RNF220: variants seen among roughly 807,000 people sequenced by gnomAD.
RNF220 encodes E3 ubiquitin-protein ligase RNF220.
Under a neutral mutation model 67.1 loss-of-function variants are expected in RNF220, and 7 were observed. That is an observed-to-expected ratio of 0.10 (90% CI 0.06 to 0.20). The LOEUF (loss-of-function observed/expected upper bound fraction) is 0.20. RNF220 is among the 10% of genes least tolerant of loss of function. The pLI is 1.00. For synonymous variants in RNF220, 270 were observed against 283.2 expected, an observed-to-expected ratio of 0.95 and a Z score of 0.47; for missense variants, 565 against 740.3, an observed-to-expected ratio of 0.76 and a Z score of 2.75.
chr1:44,471,822 C>T (rs1022989020), intron 2 of RNF220, among the ~76,000 whole-genome samples: 1 of 130,418 alleles, frequency 7.7e-6, no homozygotes, highest in East Asian at 2.9e-4. Context: ...GAAACTCCAT[C>T]TCAAAAAAAA....
chr1:44,426,738 A>AG (rs1049160586), intron 2 of RNF220, among the ~76,000 whole-genome samples: 17 of 151,748 alleles, frequency 1.1e-4, no homozygotes, highest in African/African-American at 4.1e-4. Context: ...AAAAAAAAAA[A>AG]AAAGAAAGAA....
intron 2 of RNF220, among the ~76,000 whole-genome samples, chr1:44,570,125 G>T (rs1664330011): frequency 6.6e-6 from 1 of 152,156 alleles, no homozygotes; most frequent in African/African-American, 2.4e-5. Context: ...GGGGAGGAGA[G>T]CTGAGCGAAG....
At chr1:44,418,861 C>T (rs1444458473) in intron 2 of RNF220, among the ~76,000 whole-genome samples, 3 of 152,030 alleles carry the variant, frequency 2.0e-5, no homozygotes, top group Non-Finnish European at 2.9e-5. Context: ...TTTGGAGTGA[C>T]AGCATATTTA....
In RNF220 at chr1:44,478,017, C is replaced by T. The variant is rs140813700; in HGVS notation, c.625+65295C>T. ...TTATTGAGACAGGGTCTCGCTCTGT[C>T]ACCCAGGCTGGAGTGCAATGGCACA... On this transcript the variant is annotated intron_variant, in intron 2 of 14. Coordinates refer to ENST00000361799, the MANE Select transcript of RNF220 (RefSeq NM_018150.4). Among the ~76,000 whole-genome samples the T allele has an allele frequency of 9.7e-3, 1,478 of 152,304 alleles. 32 individuals are homozygous for T. The highest frequency in any genetic ancestry group is 0.034 in the African/African-American group (1,418 of 41,574).
intron 8 of RNF220, among the ~76,000 whole-genome samples, chr1:44,641,498 T>A (rs968908589): frequency 1.3e-5 from 2 of 152,170 alleles, no homozygotes; most frequent in African/African-American, 4.8e-5. Flanking sequence ...CTGTGCCATC[T>A]TGCCTCTGAG....
At chr1:44,630,324 T>C (rs1170883892) in intron 5 of RNF220, among the ~76,000 whole-genome samples, 2 of 152,254 alleles carry the variant, frequency 1.3e-5, no homozygotes, top group African/African-American at 4.8e-5. Context: ...GTATTCATCA[T>C]GCCCAGTCTA....
At chr1:44,482,348 G>C (rs891212659) in intron 2 of RNF220, among the ~76,000 whole-genome samples, 11 of 152,202 alleles carry the variant, frequency 7.2e-5, no homozygotes, top group African/African-American at 2.7e-4. Flanking sequence ...GGGAGCAGGA[G>C]GGGTGGAGGG....
At chr1:44,486,689 G>A (rs556160473) in intron 2 of RNF220, among the ~76,000 whole-genome samples, 10 of 152,152 alleles carry the variant, frequency 6.6e-5, no homozygotes, top group Non-Finnish European at 8.8e-5. Flanking sequence ...CTGTTGAACG[G>A]TAAAGCCCAC....
At chr1:44,421,652 G>T (rs1203407419) in intron 2 of RNF220, among the ~76,000 whole-genome samples, 1 of 151,678 alleles carries the variant, frequency 6.6e-6, no homozygotes, top group Non-Finnish European at 1.5e-5. Flanking sequence ...GTTGGGCGGG[G>T]CATAGTGTCT....
intron 2 of RNF220, among the ~76,000 whole-genome samples, chr1:44,459,544 A>G (rs1209629196): frequency 2.6e-5 from 4 of 152,034 alleles, no homozygotes; most frequent in Non-Finnish European, 5.9e-5. Context: ...AAAATCTGAA[A>G]CCCAGGAGAC....
At chr1:44,580,356 A>G (rs1457555901) in intron 2 of RNF220, among the ~76,000 whole-genome samples, 1 of 152,194 alleles carries the variant, frequency 6.6e-6, no homozygotes, top group Non-Finnish European at 1.5e-5. Context: ...GATATTTGAA[A>G]TCGGGTCATG....
intron 2 of RNF220, among the ~76,000 whole-genome samples, chr1:44,489,574 C>T (rs945914811): frequency 6.6e-6 from 1 of 152,248 alleles, no homozygotes; most frequent in African/African-American, 2.4e-5. Flanking sequence ...CTGGTTAAAA[C>T]CACATGAGGA....
intron 2 of RNF220, among the ~76,000 whole-genome samples, chr1:44,485,369 G>T (rs1656193584): frequency 6.6e-6 from 1 of 152,166 alleles, no homozygotes; most frequent in South Asian, 2.1e-4. Context: ...GGTCTCCCGG[G>T]ATTGTTCCTA....
chr1:44,457,046 G>C (rs553716881), intron 2 of RNF220, among the ~76,000 whole-genome samples: 1 of 152,074 alleles, frequency 6.6e-6, no homozygotes, highest in South Asian at 2.1e-4. Context: ...GTATCCTTCA[G>C]CTGTAGCTCC....
chr1:44,481,519 C>T (rs141971216), intron 2 of RNF220, among the ~76,000 whole-genome samples: 8 of 152,216 alleles, frequency 5.3e-5, no homozygotes, highest in South Asian at 4.2e-4. Context: ...GGGAACAACA[C>T]GCACACAGGG....
At chr1:44,605,312 A>AG (rs1553120200) in intron 2 of RNF220, among the ~76,000 whole-genome samples, 3 of 44,166 alleles carry the variant, frequency 6.8e-5, no homozygotes, top group African/African-American at 2.2e-4. Flanking sequence ...AAAAAAAAAA[A>AG]GAAAAGAAAA....
chr1:44,501,777 G>A (rs1557987634), intron 2 of RNF220, among the ~76,000 whole-genome samples: 1 of 152,056 alleles, frequency 6.6e-6, no homozygotes, highest in Non-Finnish European at 1.5e-5. Flanking sequence ...GGAGAGGGGG[G>A]CTGGGTGGCT....
rs1666873156 is a variant in RNF220 at position 44,600,839 on chromosome 1, A to G, written c.626-13326A>G. On this transcript the variant is annotated intron_variant, in intron 2 of 14. Transcript: ENST00000361799. The surrounding 1 kb of genome is among the most constrained non-coding windows in gnomAD (Gnocchi z 4.0). ...TCTGTCTCAAAAAAAAAAAAAGTACAGTGCTTGCCACAGAGTAAGCATTTG... is the reference window on the plus strand; with the variant it reads ...TCTGTCTCAAAAAAAAAAAAAGTACGGTGCTTGCCACAGAGTAAGCATTTG... Among the ~76,000 whole-genome samples, 1 of 151,718 alleles carries G rather than the reference A, an allele frequency of 6.6e-6. No homozygotes were observed. The highest frequency in any genetic ancestry group is 1.5e-5 in the Non-Finnish European group (1 of 67,914).
chr1:44,525,835 TCTCCCA>T lies in RNF220; in HGVS notation c.626-88328_626-88323del, dbSNP rs1558011496. ...CACAGCCCCGCCCTCAGTCTGACCA[TCTCCCA>T]CAATTTCTTCGTCTCAAAAATAATG... On this transcript the variant is annotated intron_variant, in intron 2 of 14. Transcript: ENST00000361799. 2.7e-4 allele frequency among the ~76,000 whole-genome samples: 41 copies of T among 152,250 alleles called. No homozygotes were observed. In the South Asian group the frequency reaches 8.5e-3, roughly 32 times the overall value.
Sources: allele counts gnomAD v4.1 joint callset (sites outside exome capture counted in the v4.1 genomes callset), GRCh38; gene constraint gnomAD v4.1.1; non-coding constraint Gnocchi (gnomAD v3.1); transcripts MANE v1.5; gene names NCBI Gene and HGNC (gene_info 2026-07-23, HGNC 2026-07-21).